The following CCDC85A variants were observed in gnomAD, a reference collection of about 807,000 sequenced individuals.
CCDC85A encodes coiled-coil domain containing 85A.
Under a neutral mutation model 50.2 loss-of-function variants are expected in CCDC85A, and 38 were observed. That is an observed-to-expected ratio of 0.76 (90% CI 0.58 to 0.99). The LOEUF is 0.99. Among genes scored for constraint, CCDC85A ranks in the 50% least tolerant of loss-of-function variants. The pLI, the probability that CCDC85A is intolerant of heterozygous loss-of-function variation, is 0.00. For missense variants in CCDC85A, 820 were observed against 742.0 expected, an observed-to-expected ratio of 1.11 and a Z score of -1.22; for synonymous variants, 366 against 301.4, an observed-to-expected ratio of 1.21 and a Z score of -2.22.
chr2:56,191,696 G>A (rs1012724172), intron 1 of CCDC85A, among the ~76,000 whole-genome samples: 1 of 152,194 alleles, frequency 6.6e-6, no homozygotes, highest in African/African-American at 2.4e-5. Context: ...TGGGGAGAGA[G>A]GTCTCTTAAT....
At chr2:56,249,672 C>T (rs1259316168) in intron 2 of CCDC85A, among the ~76,000 whole-genome samples, 1 of 152,184 alleles carries the variant, frequency 6.6e-6, no homozygotes. Flanking sequence ...TAGCTTTTAT[C>T]AATTTTCTTT....
intron 2 of CCDC85A, among the ~76,000 whole-genome samples, chr2:56,330,604 A>C (rs1454394812): frequency 6.6e-6 from 1 of 152,178 alleles, no homozygotes; most frequent in Non-Finnish European, 1.5e-5. Flanking sequence ...CTGTAAGGCA[A>C]AGTTTCACCA....
chr2:56,369,557 A>G (rs1675972601), intron 3 of CCDC85A, among the ~76,000 whole-genome samples: 1 of 152,148 alleles, frequency 6.6e-6, no homozygotes, highest in South Asian at 2.1e-4. Context: ...ATGCCTTTCA[A>G]AGTCAGCAAG....
At chr2:56,297,886 G>A (rs547562352) in intron 2 of CCDC85A, among the ~76,000 whole-genome samples, 8 of 152,262 alleles carry the variant, frequency 5.3e-5, no homozygotes, top group African/African-American at 1.7e-4. Context: ...GTGTGTAGGG[G>A]TGTAACCAGG....
At chr2:56,221,560 T>C (rs1339440894) in intron 2 of CCDC85A, among the ~76,000 whole-genome samples, 2 of 152,074 alleles carry the variant, frequency 1.3e-5, no homozygotes. Context: ...TGTAATATAA[T>C]GAAATAATAC....
chr2:56,186,660 A>G (rs569810815), intron 1 of CCDC85A, among the ~76,000 whole-genome samples: 3 of 152,324 alleles, frequency 2.0e-5, no homozygotes, highest in African/African-American at 4.8e-5. Context: ...TTTTAATAGT[A>G]TGGAGCATCA....
At chr2:56,367,080 A>G (rs751135926) in intron 3 of CCDC85A, among the ~76,000 whole-genome samples, 3 of 152,058 alleles carry the variant, frequency 2.0e-5, no homozygotes, top group African/African-American at 4.8e-5. Context: ...AGTAAGCTTT[A>G]TGATCTTCCA....
In CCDC85A at chr2:56,184,587, C is replaced by G; in HGVS notation, c.-38C>G. On this transcript the variant is annotated 5_prime_UTR_variant, in exon 1 of 6. Transcript: ENST00000407595. ...CCCGCGCCTTCGGGAGTCGCCTCGC[C>G]TCTTCCACCCACTTGCACCTGCCAC... 1 of 1,378,462 alleles carries G rather than the reference C, an allele frequency of 7.3e-7. No homozygotes were observed. Among genetic ancestry groups the G allele is most frequent in the Non-Finnish European group, 9.3e-7 (1 of 1,077,758 alleles). 85.4% of individuals were successfully genotyped at this position (1,378,462 alleles called of 1,614,324 possible).
Position 56,196,352 on chromosome 2 carries a change from G to A in CCDC85A, c.1240+2912G>A, listed in dbSNP as rs1676518752. 2.0e-5 allele frequency among the ~76,000 whole-genome samples: 3 copies of A among 152,258 alleles called. No homozygotes were observed. In the South Asian group the frequency reaches 6.2e-4, roughly 32 times the overall value. ...GTAGATTCAACACTTACCACATCTA[G>A]GCATTCAGGCATTTGTCCATTCATT... On this transcript the variant is annotated intron_variant, in intron 2 of 5. Coordinates refer to ENST00000407595, the MANE Select transcript of CCDC85A (RefSeq NM_001080433.2).
At chr2:56,203,896 T>G (rs1043240953) in intron 2 of CCDC85A, among the ~76,000 whole-genome samples, 2 of 152,036 alleles carry the variant, frequency 1.3e-5, no homozygotes, top group African/African-American at 2.4e-5. Context: ...TTAAAAAGAG[T>G]GATGTGATAC....
chr2:56,269,883 C>T (rs1670623601), intron 2 of CCDC85A, among the ~76,000 whole-genome samples: 1 of 152,174 alleles, frequency 6.6e-6, no homozygotes, highest in African/African-American at 2.4e-5. Context: ...TTTCTATCCA[C>T]ATTAGCTTTG....
At chr2:56,315,465 T>C (rs552091841) in intron 2 of CCDC85A, among the ~76,000 whole-genome samples, 5 of 152,286 alleles carry the variant, frequency 3.3e-5, no homozygotes, top group South Asian at 2.1e-4. Context: ...CAAATACTTA[T>C]GCAGTTTTTA....
intron 2 of CCDC85A, among the ~76,000 whole-genome samples, chr2:56,277,090 T>C (rs904287149): frequency 6.6e-6 from 1 of 152,188 alleles, no homozygotes; most frequent in Non-Finnish European, 1.5e-5. Flanking sequence ...ATTATTCTTT[T>C]TTTGCTTTGA....
chr2:56,231,798 T>A (rs1295955850), intron 2 of CCDC85A, among the ~76,000 whole-genome samples: 1 of 152,186 alleles, frequency 6.6e-6, no homozygotes, highest in Non-Finnish European at 1.5e-5. Context: ...CTGTTTTCAC[T>A]TCTCACTACC....
At chr2:56,228,391 G>A (rs891544776) in intron 2 of CCDC85A, among the ~76,000 whole-genome samples, 1 of 151,768 alleles carries the variant, frequency 6.6e-6, no homozygotes, top group African/African-American at 2.4e-5. Flanking sequence ...TTGTTATCAG[G>A]ATTAAATGAG....
In CCDC85A at chr2:56,193,068, C is replaced by G. The variant is rs1157673701; in HGVS notation, c.868C>G (p.Pro290Ala). 1 of 1,613,922 alleles carries G rather than the reference C, an allele frequency of 6.2e-7. No homozygotes were observed. The highest frequency in any genetic ancestry group is 8.5e-7 in the Non-Finnish European group (1 of 1,179,876). ...CCACAAACCCTTGTGCAAGGGCAGC[C>G]CCGAACAGCAAAGGCACCCGCATCC... ...EHHKPLCKGS[P>A]EQQRHPHPGS... is the part of the protein sequence containing the mutation. Residue 290 changes from proline (P) to alanine (A), a missense_variant, in exon 2 of 6, where the codon CCC becomes GCC. Pro to Ala is a conservative substitution (Grantham distance 27). Transcript: ENST00000407595.
At chr2:56,328,010 G>A (rs1002681271) in intron 2 of CCDC85A, among the ~76,000 whole-genome samples, 1 of 151,900 alleles carries the variant, frequency 6.6e-6, no homozygotes, top group Non-Finnish European at 1.5e-5. Context: ...TGCTTTATCC[G>A]ATGAGGAAAC....
At chr2:56,285,137 T>C (rs557740108) in intron 2 of CCDC85A, among the ~76,000 whole-genome samples, 1 of 151,736 alleles carries the variant, frequency 6.6e-6, no homozygotes, top group South Asian at 2.1e-4. Flanking sequence ...AGTCTCACTC[T>C]GTCGCCCAGG....
intron 2 of CCDC85A, among the ~76,000 whole-genome samples, chr2:56,203,365 GT>G (rs5831404): frequency 0.088 from 12,919 of 146,016 alleles, 616 homozygotes; most frequent in South Asian, 0.12. Flanking sequence ...TGAAAATTGT[GT>G]TTTTTTTTTT....
Sources: gnomAD v4.1 joint callset for allele counts (sites outside exome capture counted in the v4.1 genomes callset) on GRCh38, gnomAD v4.1.1 for gene constraint, MANE v1.5 for transcripts, NCBI Gene and HGNC (gene_info 2026-07-23, HGNC 2026-07-21) for gene names.